Variants in RBFOX1 observed in about 807,000 individuals in gnomAD.
RBFOX1 encodes the protein RNA binding protein fox-1 homolog 1.
A neutral mutation model predicts 57.7 loss-of-function variants in RBFOX1; 8 were observed. That is an observed-to-expected ratio of 0.14 (90% confidence interval 0.08 to 0.25). RBFOX1 has a LOEUF of 0.25. RBFOX1 is among the 10% of genes least tolerant of loss of function. The pLI is 1.00. For missense variants in RBFOX1, 611 were observed against 548.5 expected (o/e 1.11, Z -1.14); for synonymous variants, 326 against 222.4 (o/e 1.47, Z -4.15).
intron 3 of RBFOX1, among the ~76,000 whole-genome samples, chr16:5,666,392 A>G (rs12598313): frequency 0.05 from 7,632 of 152,250 alleles, 464 homozygotes; most frequent in East Asian, 0.19. Context: ...TGGGAAGATT[A>G]CGTGCTCCTT....
intron 1 of RBFOX1, among the ~76,000 whole-genome samples, chr16:6,158,415 G>A (rs764777406): frequency 2.0e-5 from 3 of 152,096 alleles, no homozygotes; most frequent in East Asian, 3.9e-4. Context: ...TTCCAGTCTC[G>A]CCGTGCCTGT....
chr16:6,758,149 C>T (rs2076086930), intron 3 of RBFOX1, among the ~76,000 whole-genome samples: 1 of 152,046 alleles, frequency 6.6e-6, no homozygotes, highest in African/African-American at 2.4e-5. Context: ...ACTTTGTGGT[C>T]AGACTTCAGG....
intron 5 of RBFOX1, among the ~76,000 whole-genome samples, chr16:7,577,034 G>T (rs540626603): frequency 6.6e-6 from 1 of 152,188 alleles, no homozygotes; most frequent in Non-Finnish European, 1.5e-5. Flanking sequence ...CGGAGAAAAC[G>T]CAAATTCTGC....
intron 1 of RBFOX1, among the ~76,000 whole-genome samples, chr16:5,389,132 A>G (rs1409265325): frequency 6.6e-6 from 1 of 151,852 alleles, no homozygotes; most frequent in Admixed American, 6.6e-5. Context: ...CGGAGCTTGC[A>G]GTGAGCCGAG....
At position 5,875,763 on chromosome 16, in the gene RBFOX1, G is replaced by A. The variant is rs180947031; in HGVS notation, c.351+8428G>A. Among the ~76,000 whole-genome samples, 14 of 152,096 alleles carry A rather than the reference G, an allele frequency of 9.2e-5. No homozygotes were observed. In the South Asian group the frequency reaches 1.2e-3, roughly 14 times the overall value. ...TTAAGGGTCTCTGGAAAAGTGAACC[G>A]TTGTAAAATTTCTCTACTTCTTTAT... is the stretch of plus-strand genomic sequence containing the variant. On this transcript the variant is annotated intron_variant, in intron 4 of 19. Coordinates refer to the RBFOX1 transcript ENST00000641259.
chr16:6,161,621 AT>A (rs1291518133), intron 1 of RBFOX1, among the ~76,000 whole-genome samples: 1 of 152,164 alleles, frequency 6.6e-6, no homozygotes, highest in African/African-American at 2.4e-5. Flanking sequence ...TGACTTTCAA[AT>A]GACAAATGCC....
intron 15 of RBFOX1, chr16:7,709,949 C>A (rs923156963): frequency 8.9e-6 from 9 of 1,016,008 alleles, no homozygotes; most frequent in Non-Finnish European, 1.1e-5. Flanking sequence ...AAAATGAATC[C>A]CCATAGGCAT....
At chr16:6,446,885 T>C (rs985516100) in intron 2 of RBFOX1, among the ~76,000 whole-genome samples, 1 of 152,164 alleles carries the variant, frequency 6.6e-6, no homozygotes, top group Non-Finnish European at 1.5e-5. Flanking sequence ...CCTAAAAGTG[T>C]TTGGATTTCC....
chr16:7,672,011 T>G (rs142295898), intron 13 of RBFOX1, among the ~76,000 whole-genome samples: 1 of 152,318 alleles, frequency 6.6e-6, no homozygotes, highest in African/African-American at 2.4e-5. Flanking sequence ...GTCTGGATAA[T>G]TTTTTAGTAG....
chr16:6,691,681 C>G lies in RBFOX1; in HGVS notation c.-16+37031C>G, dbSNP rs78387361. ...CCATGGCAGGTAGGATAATGGTCCT[C>G]CAAACTGTCCACGTCCTAATCCCCA... On this transcript the variant is annotated intron_variant, in intron 3 of 15. Coordinates refer to ENST00000550418, the MANE Select transcript of RBFOX1 (RefSeq NM_018723.4). 6.0e-3 allele frequency among the ~76,000 whole-genome samples: 918 copies of G among 152,270 alleles called. 13 individuals are homozygous for G. Among genetic ancestry groups the G allele is most frequent in the African/African-American group, 0.021 (882 of 41,540 alleles).
intron 12 of RBFOX1, among the ~76,000 whole-genome samples, chr16:7,659,708 C>T (rs148157842): frequency 6.6e-6 from 1 of 152,228 alleles, no homozygotes; most frequent in Non-Finnish European, 1.5e-5. Flanking sequence ...TTTGGACAAG[C>T]TGCCTTTGCA....
chr16:5,483,973 C>G (rs1442832242), intron 2 of RBFOX1, among the ~76,000 whole-genome samples: 6 of 152,014 alleles, frequency 3.9e-5, no homozygotes, highest in Non-Finnish European at 2.9e-5. Flanking sequence ...GAGTTTCAGA[C>G]TAGCCTGAGC....
chr16:6,650,532 A>C lies in RBFOX1; in HGVS notation c.-63-4071A>C, dbSNP rs565948298. Among the ~76,000 whole-genome samples, 3 of 152,312 alleles carry C rather than the reference A, an allele frequency of 2.0e-5. No individual in the cohort carries two copies. In the East Asian group the frequency reaches 5.8e-4, roughly 29 times the overall value. ...GCCACAGAGTAACTAAGGAATACCC[A>C]CTTTGTCGAATGTTGGTAATTTAGA... On this transcript the variant is annotated intron_variant, in intron 2 of 15. Transcript: ENST00000550418.
chr16:6,594,490 G>T (rs982970244), intron 2 of RBFOX1, among the ~76,000 whole-genome samples: 16 of 152,138 alleles, frequency 1.1e-4, no homozygotes, highest in African/African-American at 3.9e-4. Flanking sequence ...AGGCTGCCCA[G>T]CTCTCACAGA....
chr16:7,042,396 C>T (rs757754396), intron 3 of RBFOX1, among the ~76,000 whole-genome samples: 2 of 152,134 alleles, frequency 1.3e-5, no homozygotes, highest in African/African-American at 2.4e-5. Flanking sequence ...GATGGTAATT[C>T]CCTCTTGAAT....
chr16:6,551,520 A>C (rs2096988911), intron 2 of RBFOX1, among the ~76,000 whole-genome samples: 1 of 152,236 alleles, frequency 6.6e-6, no homozygotes, highest in African/African-American at 2.4e-5. Context: ...TGGCTCATGA[A>C]GTCTGCAGGC....
chr16:6,761,610 C>G (rs1405527356), intron 3 of RBFOX1, among the ~76,000 whole-genome samples: 1 of 141,266 alleles, frequency 7.1e-6, no homozygotes, highest in East Asian at 2.3e-4. Context: ...CAGATTCAAG[C>G]AGTTCTCTGC....
chr16:7,267,113 T>C (rs1487408901), intron 4 of RBFOX1, among the ~76,000 whole-genome samples: 1 of 152,166 alleles, frequency 6.6e-6, no homozygotes, highest in African/African-American at 2.4e-5. Context: ...GTGTTACCTA[T>C]TAAATGCAAT....
chr16:6,025,583 A>G (rs2095175358), intron 1 of RBFOX1, among the ~76,000 whole-genome samples: 1 of 152,124 alleles, frequency 6.6e-6, no homozygotes, highest in South Asian at 2.1e-4. Context: ...TCCTGGGAGT[A>G]CCCTGAGAAC....
Sources: allele counts gnomAD v4.1 joint callset (sites outside exome capture counted in the v4.1 genomes callset), GRCh38; gene constraint gnomAD v4.1.1; transcripts MANE v1.5; gene names NCBI Gene and HGNC (gene_info 2026-07-23, HGNC 2026-07-21).